Variants in EPRS1 observed in about 807,000 individuals in gnomAD.
EPRS1 encodes the protein bifunctional glutamate/proline--tRNA ligase.
EPRS1 carries 107 observed loss-of-function variants against 188.3 expected under a neutral mutation model. That is an observed-to-expected ratio of 0.57 (90% CI 0.49 to 0.67). The LOEUF is 0.67. Ranked by LOEUF, EPRS1 falls within the 30% of genes least tolerant of loss-of-function variation. The pLI is 0.00. For missense variants in EPRS1, 1,577 were observed against 1,802.2 expected (o/e 0.88, Z 2.26); for synonymous variants, 596 against 593.1 (o/e 1.00, Z -0.07).
Position 220,024,428 on chromosome 1 carries a change from T to C in EPRS1, c.779A>G (p.His260Arg). The change falls in exon 8 of 32, where the codon CAT (histidine) becomes CGT (arginine). Residue 260 changes from histidine to arginine, a missense_variant. Coordinates refer to ENST00000366923, the MANE Select transcript of EPRS1 (RefSeq NM_004446.3). ...KVILEDVAML[H>R]IKPDQFTYTS... is the part of the protein sequence containing the mutation. ...ATAAGTAAATTGATCTGGTTTGATA[T>C]GCAACATTGCAACATCTTCCAAGAT... 1 of 1,600,032 alleles carries C rather than the reference T, an allele frequency of 6.2e-7. No individual in the cohort carries two copies. Among genetic ancestry groups the C allele is most frequent in the Non-Finnish European group, 8.5e-7 (1 of 1,175,858 alleles).
chr1:220,042,973 C>T (rs1194397286), intron 1 of EPRS1, among the ~76,000 whole-genome samples: 2 of 151,902 alleles, frequency 1.3e-5, no homozygotes, highest in African/African-American at 4.8e-5. Context: ...AAACTACTGT[C>T]ATAGACAAAA....
chr1:219,988,345 CA>C (rs1225557210), intron 19 of EPRS1, among the ~76,000 whole-genome samples: 1 of 151,972 alleles, frequency 6.6e-6, no homozygotes, highest in Non-Finnish European at 1.5e-5. Context: ...AACAATTTAA[CA>C]ATTAAAATAC....
intron 2 of EPRS1, among the ~76,000 whole-genome samples, chr1:220,037,322 T>C (rs1662201306): frequency 6.6e-6 from 1 of 151,728 alleles, no homozygotes; most frequent in African/African-American, 2.4e-5. Context: ...CTGGACAACA[T>C]AGTGAAATCC....
At chr1:220,032,601 G>A (rs2789816) in intron 4 of EPRS1, 75 bp from the exon 5 acceptor site, 1,169,609 of 1,438,324 alleles carry the variant, frequency 0.81, 476,634 homozygotes, top group East Asian at 0.92. Flanking sequence ...GTGACTAATT[G>A]AAGTAATTGA....
rs1313763233 is a variant in EPRS1, at chr1:220,046,367, C to G, written c.22G>C (p.Val8Leu). The G allele has an allele frequency of 1.2e-6, 2 of 1,614,076 alleles. No homozygotes were observed. The highest frequency in any genetic ancestry group is 1.7e-6 in the Non-Finnish European group (2 of 1,179,992). Residue 8 changes from valine to leucine, a missense_variant, in exon 1 of 32, where the codon GTG (valine) becomes CTG (leucine). By Grantham distance (32) the Val-to-Leu change is conservative. Transcript: ENST00000366923. ...CCTAGCGGAGGGTCTCCTGAATTCACGGTCAGAGAGAGCGTCGCCATCTCC... is the reference window on the plus strand; with the variant it reads ...CCTAGCGGAGGGTCTCCTGAATTCAGGGTCAGAGAGAGCGTCGCCATCTCC... The part of the protein sequence containing the change: MATLSLT[V>L]NSGDPPLGAL...
chr1:220,040,306 G>A (rs1447991968), intron 1 of EPRS1, 37 bp from the exon 2 acceptor site: 2 of 1,312,340 alleles, frequency 1.5e-6, no homozygotes, highest in Non-Finnish European at 2.2e-6. Context: ...ATCTTTAAAA[G>A]CAATGCAGTA....
intron 4 of EPRS1, 82 bp from the exon 5 acceptor site, chr1:220,032,608 T>C (rs1027499725): frequency 8.5e-6 from 11 of 1,296,938 alleles, no homozygotes; most frequent in Non-Finnish European, 1.2e-5. Context: ...ATTGAAGTAA[T>C]TGAGATGGCT....
intron 8 of EPRS1, among the ~76,000 whole-genome samples, chr1:220,023,166 C>T (rs147057363): frequency 1.3e-5 from 2 of 152,140 alleles, no homozygotes; most frequent in Non-Finnish European, 1.5e-5. Flanking sequence ...AAAAAGGACT[C>T]TACATTCCAA....
rs1474472646 is a variant in EPRS1 at position 220,046,444 on chromosome 1, G to C, written c.-56C>G. 3.7e-6 allele frequency: 6 copies of C among 1,608,466 alleles called. No individual in the cohort carries two copies. The highest frequency in any genetic ancestry group is 5.1e-6 in the Non-Finnish European group (6 of 1,177,890). On this transcript the variant is annotated 5_prime_UTR_variant, in exon 1 of 32. Transcript: ENST00000366923. ...ACGCCTGGCTCGTGCCAGAACTACG[G>C]AGGACCCCGCGAAAGGAAGAAGATG...
Position 220,034,142 on chromosome 1 carries a change from A to G in EPRS1, c.232-484T>C, listed in dbSNP as rs559856198. On this transcript the variant is annotated intron_variant, in intron 3 of 31. Coordinates refer to ENST00000366923, the MANE Select transcript of EPRS1 (RefSeq NM_004446.3). ...CATCTAAAAAGCAGTACTGTCATCT[A>G]CTGCATAATGACATTTCGGTCAATG... Among the ~76,000 whole-genome samples the G allele has an allele frequency of 3.9e-5, 6 of 152,352 alleles. No homozygotes were observed. In the South Asian group the frequency reaches 1.2e-3, roughly 32 times the overall value.
At chr1:219,973,543 A>AG in intron 28 of EPRS1, 145 bp from the exon 29 acceptor site, 1 of 507,810 alleles carries the variant, frequency 2.0e-6, no homozygotes, top group African/African-American at 2.0e-5. Context: ...AAAAAAAAAA[A>AG]CAGGTAATAC....
At chr1:219,994,945 C>A (rs187185323) in intron 18 of EPRS1, among the ~76,000 whole-genome samples, 91 of 152,270 alleles carry the variant, frequency 6.0e-4, no homozygotes, top group African/African-American at 2.0e-3. Flanking sequence ...AGCCACCGCA[C>A]CTGGCCTACT....
At chr1:219,994,626 C>A in intron 18 of EPRS1, among the ~76,000 whole-genome samples, 1 of 147,496 alleles carries the variant, frequency 6.8e-6, no homozygotes, top group African/African-American at 2.5e-5. Context: ...AGAAATATGC[C>A]GTGGTAACTT....
intron 18 of EPRS1, 94 bp downstream of exon 18, chr1:219,996,889 G>A: frequency 7.9e-7 from 1 of 1,263,450 alleles, no homozygotes; most frequent in Non-Finnish European, 1.1e-6. Context: ...ATCAAAATAT[G>A]AGCAGTCGAT....
intron 12 of EPRS1, 67 bp from the exon 13 acceptor site, chr1:220,011,123 T>C: frequency 1.1e-6 from 1 of 890,318 alleles, no homozygotes. Context: ...GCAAAATAAA[T>C]AATAGCACAG....
intron 2 of EPRS1, among the ~76,000 whole-genome samples, chr1:220,036,555 C>T (rs1662184366): frequency 6.6e-6 from 1 of 151,390 alleles, no homozygotes; most frequent in African/African-American, 2.4e-5. Flanking sequence ...GCACTGGAGG[C>T]CATTATATTT....
Position 220,030,418 on chromosome 1 carries a change from C to T in EPRS1, c.591G>A (p.Lys197=), listed in dbSNP as rs1026205267. 8.1e-6 allele frequency: 13 copies of T among 1,613,908 alleles called. No individual in the cohort carries two copies. In the African/African-American group the frequency reaches 1.3e-4, roughly 17 times the overall value. The change falls in exon 6 of 32, where the codon AAG becomes AAA. Residue 197 remains lysine (K), a synonymous_variant. Transcript: ENST00000366923. ...CCTCTGGAGGAAATCTGACGGTAAC[C>T]TTTCCCATCTCCGCACCTGGAAGCT... ...FVELPGAEMG[K]VTVRFPPEAS...
At chr1:220,005,927 C>T (rs1661458165) in intron 15 of EPRS1, among the ~76,000 whole-genome samples, 179 bp downstream of exon 15, 2 of 140,812 alleles carry the variant, frequency 1.4e-5, no homozygotes, top group African/African-American at 2.7e-5. Flanking sequence ...ATCTTGGCTT[C>T]CCAAAGAGCT....
intron 18 of EPRS1, among the ~76,000 whole-genome samples, chr1:219,990,816 C>T (rs1047997818): frequency 1.3e-5 from 2 of 152,084 alleles, no homozygotes; most frequent in African/African-American, 4.8e-5. Context: ...AAGGCATTTA[C>T]AAAGAGGAAT....
Sources: allele counts gnomAD v4.1 joint callset (sites outside exome capture counted in the v4.1 genomes callset), GRCh38; gene constraint gnomAD v4.1.1; transcripts MANE v1.5; gene names NCBI Gene and HGNC (gene_info 2026-07-23, HGNC 2026-07-21).